Variants in SUSD1 observed in about 807,000 individuals in gnomAD.
The protein encoded by SUSD1 is sushi domain containing 1.
A neutral mutation model predicts 86.9 loss-of-function variants in SUSD1; 65 were observed. The observed-to-expected ratio is 0.75, with a 90% confidence interval of 0.61 to 0.92. The LOEUF is 0.92. Ranked by LOEUF, SUSD1 falls within the 40% of genes least tolerant of loss-of-function variation. The pLI is 0.00. For synonymous variants in SUSD1, 346 were observed against 350.0 expected, an observed-to-expected ratio of 0.99 and a Z score of 0.13; for missense variants, 850 against 929.7, an observed-to-expected ratio of 0.91 and a Z score of 1.11.
chr9:112,135,842 A>C (rs1043183839), intron 5 of SUSD1, among the ~76,000 whole-genome samples: 1 of 152,270 alleles, frequency 6.6e-6, no homozygotes, highest in African/African-American at 2.4e-5. Context: ...TATCCGATTA[A>C]ATCTTCACAA....
rs545779272 is a variant in SUSD1 at position 112,074,446 on chromosome 9, C to G, written c.1753+4092G>C. Among the ~76,000 whole-genome samples, 48 of 152,296 alleles carry G rather than the reference C, an allele frequency of 3.2e-4. 1 individual carries two copies. In the South Asian group the frequency reaches 8.7e-3, roughly 28 times the overall value. Reference sequence around the variant, plus strand: ...CATCTCACCCACCCCCTCGCCAGCCCCTGCTTTCCTGCATTCACCGAAACA... The same window carrying G: ...CATCTCACCCACCCCCTCGCCAGCCGCTGCTTTCCTGCATTCACCGAAACA... On this transcript the variant is annotated intron_variant, in intron 12 of 16. Coordinates refer to ENST00000374270, the MANE Select transcript of SUSD1 (RefSeq NM_022486.5).
At chr9:112,159,813 T>G (rs1350825858) in intron 1 of SUSD1, among the ~76,000 whole-genome samples, 1 of 152,226 alleles carries the variant, frequency 6.6e-6, no homozygotes, top group African/African-American at 2.4e-5. Context: ...TTTTTTCAAA[T>G]TTGTTGCATT....
Position 112,098,242 on chromosome 9 carries a change from A to T in SUSD1, c.1474+228T>A, listed in dbSNP as rs10124666. On this transcript the variant is annotated intron_variant, in intron 10 of 16. Transcript: ENST00000374270. ...TAGGACTCCCAGGGAGCTCTGAATA[A>T]ATCAGTCTATCCTTGGTCTGTGCCC... Among the ~76,000 whole-genome samples the T allele has an allele frequency of 9.5e-3, 1,453 of 152,228 alleles. 24 individuals are homozygous for T. The highest frequency in any genetic ancestry group is 0.033 in the African/African-American group (1,361 of 41,510).
chr9:112,123,192 G>A (rs1346055615), intron 6 of SUSD1, among the ~76,000 whole-genome samples: 1 of 152,178 alleles, frequency 6.6e-6, no homozygotes, highest in Non-Finnish European at 1.5e-5. Flanking sequence ...TCTGCAGGCT[G>A]TACAAGAAGC....
intron 5 of SUSD1, among the ~76,000 whole-genome samples, chr9:112,133,168 G>A (rs1055663493): frequency 4.6e-5 from 7 of 152,102 alleles, no homozygotes; most frequent in South Asian, 2.1e-4. Flanking sequence ...CCAGCTACTC[G>A]GGAGACTCAG....
chr9:112,123,630 T>A (rs1324599414), intron 6 of SUSD1, among the ~76,000 whole-genome samples: 2 of 151,948 alleles, frequency 1.3e-5, no homozygotes, highest in Non-Finnish European at 2.9e-5. Flanking sequence ...TGAAACCCCA[T>A]CTCTACTAAA....
intron 12 of SUSD1, among the ~76,000 whole-genome samples, chr9:112,070,631 G>A (rs1307986693): frequency 5.9e-5 from 9 of 152,170 alleles, no homozygotes; most frequent in Non-Finnish European, 1.3e-4. Flanking sequence ...CGGATGTCAG[G>A]AATATCCCTC....
At chr9:112,154,335 CA>C (rs887833151) in intron 2 of SUSD1, among the ~76,000 whole-genome samples, 438 of 70,394 alleles carry the variant, frequency 6.2e-3, no homozygotes, top group Non-Finnish European at 6.1e-3. Context: ...CACACACACA[CA>C]AAAAAAAAAA....
At chr9:112,074,763 T>C (rs1162070979) in intron 12 of SUSD1, among the ~76,000 whole-genome samples, 3 of 151,980 alleles carry the variant, frequency 2.0e-5, no homozygotes, top group Non-Finnish European at 2.9e-5. Context: ...AAGCTTCTCT[T>C]TTTTCCTCCT....
At chr9:112,172,170 G>C (rs1397298748) in intron 1 of SUSD1, among the ~76,000 whole-genome samples, 1 of 148,534 alleles carries the variant, frequency 6.7e-6, no homozygotes, top group African/African-American at 2.5e-5. Flanking sequence ...ACTCCATCCA[G>C]CCTGGGCGAC....
intron 11 of SUSD1, among the ~76,000 whole-genome samples, chr9:112,079,253 A>T (rs1457031095): frequency 6.6e-6 from 1 of 152,140 alleles, no homozygotes; most frequent in East Asian, 1.9e-4. Context: ...TGTATAATAA[A>T]TATATTTTTA....
rs780628130 is a variant in SUSD1, at chr9:112,142,357, G to T, written c.669C>A (p.Gly223=). 1 of 1,613,782 alleles carries T rather than the reference G, an allele frequency of 6.2e-7. No individual in the cohort carries two copies. Among genetic ancestry groups the T allele is most frequent in the South Asian group, 1.1e-5 (1 of 90,994 alleles). The part of the protein sequence containing the change: ...VPEDTVSSCT[G]LGTWESPKLH... ...ATTTTGGGGACTCCCATGTGCCCAG[G>T]CCTGTGCAGCTTGAAACTGTATCTT... The change falls in exon 5 of 17, where the codon GGC becomes GGA. Residue 223 remains glycine, a synonymous_variant. Transcript: ENST00000374270.
At chr9:112,153,606 A>C (rs1481754824) in intron 2 of SUSD1, among the ~76,000 whole-genome samples, 1 of 148,658 alleles carries the variant, frequency 6.7e-6, no homozygotes, top group African/African-American at 2.5e-5. Flanking sequence ...AGTATTACAT[A>C]CTATACTTTT....
At chr9:112,056,247 A>G (rs956630310) in intron 14 of SUSD1, among the ~76,000 whole-genome samples, 3 of 152,098 alleles carry the variant, frequency 2.0e-5, no homozygotes, top group Non-Finnish European at 4.4e-5. Flanking sequence ...AGCCTGGGCA[A>G]CAGAGCAAGA....
intron 5 of SUSD1, among the ~76,000 whole-genome samples, chr9:112,138,238 T>TATATATATATATATGTATATACAC (rs1554770278): frequency 2.7e-5 from 1 of 37,006 alleles, no homozygotes; most frequent in African/African-American, 1.5e-4. Flanking sequence ...AAAAAATGTG[T>TATATATATATATATGTATATACAC]ATATATATAT....
At chr9:112,058,248 T>A (rs774547517) in intron 14 of SUSD1, among the ~76,000 whole-genome samples, 180 bp downstream of exon 14, 5 of 152,178 alleles carry the variant, frequency 3.3e-5, no homozygotes, top group Non-Finnish European at 7.3e-5. Context: ...TGGTTCAGAA[T>A]CCATATCATC....
chr9:112,138,328 A>G (rs1589710283), intron 5 of SUSD1, among the ~76,000 whole-genome samples: 2 of 115,930 alleles, frequency 1.7e-5, no homozygotes, highest in African/African-American at 6.2e-5. Flanking sequence ...CACCATTAAC[A>G]TTTTGATGTA....
At chr9:112,106,286 T>A (rs1830837409) in intron 8 of SUSD1, among the ~76,000 whole-genome samples, 1 of 152,070 alleles carries the variant, frequency 6.6e-6, no homozygotes, top group South Asian at 2.1e-4. Context: ...ATTTTTTTTT[T>A]AAAAGAAAGT....
At chr9:112,082,927 TG>T (rs975222692) in intron 10 of SUSD1, among the ~76,000 whole-genome samples, 20 of 152,062 alleles carry the variant, frequency 1.3e-4, no homozygotes, top group African/African-American at 4.6e-4. Flanking sequence ...AGGGTTTCTA[TG>T]TTGCCCAGGC....
Sources: allele counts gnomAD v4.1 joint callset (sites outside exome capture counted in the v4.1 genomes callset), GRCh38; gene constraint gnomAD v4.1.1; transcripts MANE v1.5; gene names NCBI Gene and HGNC (gene_info 2026-07-23, HGNC 2026-07-21).